NIPAL2: variants seen among roughly 807,000 people sequenced by gnomAD.
The protein encoded by NIPAL2 is NIPA-like protein 2.
Under a neutral mutation model 48.9 loss-of-function variants are expected in NIPAL2, and 43 were observed. The ratio of observed to expected loss-of-function variants is 0.88; its 90% CI spans 0.69 to 1.13. The LOEUF (loss-of-function observed/expected upper bound fraction) is 1.13, where lower values mean the gene tolerates loss of function less well. Among genes scored for constraint, NIPAL2 ranks in the 50% most tolerant of loss-of-function variants. The probability of loss-of-function intolerance (pLI) is 0.00; values close to 1 mark genes in which losing one functional copy is unlikely to be tolerated. For missense variants in NIPAL2, 446 were observed against 461.4 expected, an observed-to-expected ratio of 0.97 and a Z score of 0.31; for synonymous variants, 167 against 174.6, an observed-to-expected ratio of 0.96 and a Z score of 0.34.
chr8:98,267,213 A>G (rs1814826991), intron 1 of NIPAL2, among the ~76,000 whole-genome samples: 1 of 152,148 alleles, frequency 6.6e-6, no homozygotes, highest in Non-Finnish European at 1.5e-5. Context: ...ACCAATTATA[A>G]TTTTTTTAAT....
chr8:98,221,466 TTTATA>T (rs1298450323), intron 5 of NIPAL2, among the ~76,000 whole-genome samples: 2 of 152,004 alleles, frequency 1.3e-5, no homozygotes, highest in African/African-American at 4.8e-5. Context: ...GTTTAAATAT[TTTATA>T]TTGGTTGAGA....
intron 3 of NIPAL2, among the ~76,000 whole-genome samples, chr8:98,242,646 C>T (rs533236617): frequency 7.2e-5 from 11 of 152,008 alleles, no homozygotes; most frequent in South Asian, 2.1e-4. Flanking sequence ...CCACTATGCC[C>T]GGCTAATTTT....
intron 3 of NIPAL2, among the ~76,000 whole-genome samples, chr8:98,246,670 A>G (rs1417245715): frequency 6.6e-6 from 1 of 152,152 alleles, no homozygotes; most frequent in Non-Finnish European, 1.5e-5. Context: ...TACCTTTATT[A>G]CTTTGTCTAA....
At chr8:98,244,685 G>A (rs931792931) in intron 3 of NIPAL2, among the ~76,000 whole-genome samples, 2 of 152,138 alleles carry the variant, frequency 1.3e-5, no homozygotes, top group Non-Finnish European at 2.9e-5. Context: ...TTCAAGATCA[G>A]TGAAAGGTGG....
Position 98,252,591 on chromosome 8 carries a change from G to A in NIPAL2, c.248C>T (p.Pro83Leu), listed in dbSNP as rs753934581. The change falls in exon 3 of 11, where the codon CCA (proline) becomes CTA (leucine). Residue 83 changes from proline to leucine, a missense_variant. Pro to Leu is a moderately conservative substitution (Grantham distance 98, BLOSUM62 -3). Transcript: ENST00000430223. ...CCACCACAGCACACTCTTGAAGTAT[G>A]GCCTTGGGTGCTCTTGTTGTGCCAG... ...LQLAQQEHPR[P>L]YFKSVLWWGG... 1.5e-5 allele frequency: 25 copies of A among 1,613,246 alleles called. No individual in the cohort carries two copies. In the Admixed American group the frequency reaches 3.2e-4, roughly 21 times the overall value.
chr8:98,231,750 AG>A (rs1047222540), intron 4 of NIPAL2: 2 of 152,334 alleles, frequency 1.3e-5, no homozygotes, highest in Admixed American at 6.5e-5. Flanking sequence ...AGTGATGAAA[AG>A]CTTCACAGTC....
At chr8:98,260,042 T>C (rs1814199210) in intron 1 of NIPAL2, among the ~76,000 whole-genome samples, 1 of 151,780 alleles carries the variant, frequency 6.6e-6, no homozygotes, top group Admixed American at 6.6e-5. Flanking sequence ...GAGAGTGGAG[T>C]GCGGATACTG....
intron 8 of NIPAL2, 71 bp downstream of exon 8, chr8:98,203,037 T>G: frequency 8.4e-7 from 1 of 1,186,006 alleles, no homozygotes; most frequent in Admixed American, 1.7e-5. Flanking sequence ...GATTTCTGGA[T>G]TCTCTCATTT....
Position 98,203,934 on chromosome 8 carries a change from G to A in NIPAL2, c.792-738C>T, listed in dbSNP as rs182283531. On this transcript the variant is annotated intron_variant, in intron 7 of 10. Coordinates refer to ENST00000430223, the MANE Select transcript of NIPAL2 (RefSeq NM_001321635.2). ...CATGTATGTGCATGTATGCCTGCAA[G>A]TACATATACGTACAAAAGCCAGGTC... Among the ~76,000 whole-genome samples the A allele has an allele frequency of 1.6e-3, 245 of 151,946 alleles. 5 individuals carry two copies. The highest frequency in any genetic ancestry group is 5.4e-3 in the African/African-American group (222 of 41,418).
chr8:98,284,816 T>C (rs562759441), intron 1 of NIPAL2, among the ~76,000 whole-genome samples: 1 of 152,236 alleles, frequency 6.6e-6, no homozygotes, highest in South Asian at 2.1e-4. Context: ...CACCATAACC[T>C]AAGTCAGCTA....
chr8:98,262,269 C>T lies in NIPAL2; in HGVS notation c.136-8182G>A, dbSNP rs1008127617. Among the ~76,000 whole-genome samples, 11 of 152,154 alleles carry T rather than the reference C, an allele frequency of 7.2e-5. No individual in the cohort carries two copies. In the East Asian group the frequency reaches 9.7e-4, roughly 13 times the overall value. On this transcript the variant is annotated intron_variant, in intron 1 of 10. Transcript: ENST00000430223. Reference sequence around the variant, plus strand: ...CATCATAACGACAGGATCAAATTCACACATAACAGTATTAACTTTAAATGT... The same window carrying T: ...CATCATAACGACAGGATCAAATTCATACATAACAGTATTAACTTTAAATGT...
intron 8 of NIPAL2, among the ~76,000 whole-genome samples, chr8:98,197,154 T>C (rs537909395): frequency 3.3e-5 from 5 of 152,136 alleles, no homozygotes; most frequent in East Asian, 1.9e-4. Context: ...CTTGGAGATA[T>C]GTGGGTTTGG....
chr8:98,251,831 G>C (rs918626380), intron 3 of NIPAL2: 1 of 152,126 alleles, frequency 6.6e-6, no homozygotes, highest in African/African-American at 2.4e-5. Context: ...AGCAGATAAA[G>C]AGTAAAACCA....
Position 98,212,440 on chromosome 8 carries a change from T to A in NIPAL2, c.620A>T (p.His207Leu). 2.5e-6 allele frequency: 4 copies of A among 1,590,144 alleles called. No homozygotes were observed. The highest frequency in any genetic ancestry group is 3.5e-6 in the Non-Finnish European group (4 of 1,158,876). Reference sequence around the variant, plus strand: ...CACCAGGGTTAGCAGAATCACCATATGCTTCATTCCTTTTCTTTTATAGAA... The same window carrying A: ...CACCAGGGTTAGCAGAATCACCATAAGCTTCATTCCTTTTCTTTTATAGAA... ...LYFYKRKGMK[H>L]MVILLTLVAI... The change falls in exon 6 of 11, where the codon CAT (histidine) becomes CTT (leucine). Residue 207 changes from histidine to leucine, a missense_variant. By Grantham distance (99) the His-to-Leu change is moderately conservative. Coordinates refer to ENST00000430223, the MANE Select transcript of NIPAL2 (RefSeq NM_001321635.2).
At chr8:98,202,991 A>C in intron 8 of NIPAL2, 117 bp downstream of exon 8, 1 of 753,830 alleles carries the variant, frequency 1.3e-6, no homozygotes. Flanking sequence ...AAATTCAGAC[A>C]CCAGGTGGAG....
In NIPAL2 at chr8:98,249,802, G is replaced by A. The variant is rs570979917; in HGVS notation, c.376+2661C>T. Among the ~76,000 whole-genome samples, 511 of 144,858 alleles carry A rather than the reference G, an allele frequency of 3.5e-3. 1 individual carries two copies. Among genetic ancestry groups the A allele is most frequent in the African/African-American group, 0.011 (447 of 39,494 alleles). On this transcript the variant is annotated intron_variant, in intron 3 of 10. Coordinates refer to ENST00000430223, the MANE Select transcript of NIPAL2 (RefSeq NM_001321635.2). ...ATATAATTATATATAATATATAATC[G>A]AATATATTACACTCAAAGTATACAA...
intron 1 of NIPAL2, among the ~76,000 whole-genome samples, chr8:98,291,695 CAT>C (rs1390421035): frequency 2.6e-5 from 4 of 152,200 alleles, no homozygotes; most frequent in African/African-American, 9.7e-5. Context: ...GTGGATCAAA[CAT>C]AAAGTGCCTT....
chr8:98,269,876 A>G (rs1045966569), intron 1 of NIPAL2, among the ~76,000 whole-genome samples: 2 of 152,068 alleles, frequency 1.3e-5, no homozygotes, highest in Non-Finnish European at 2.9e-5. Context: ...TATTGTTCCC[A>G]ACTATATGTC....
chr8:98,272,809 C>T (rs977034519), intron 1 of NIPAL2, among the ~76,000 whole-genome samples: 13 of 151,898 alleles, frequency 8.6e-5, no homozygotes, highest in African/African-American at 3.1e-4. Flanking sequence ...CTATTTTACA[C>T]AATTCTATAG....
Sources: gnomAD v4.1 joint callset for allele counts (sites outside exome capture counted in the v4.1 genomes callset) on GRCh38, gnomAD v4.1.1 for gene constraint, MANE v1.5 for transcripts, NCBI Gene and HGNC (gene_info 2026-07-23, HGNC 2026-07-21) for gene names.